XPO6: variants seen among roughly 807,000 people sequenced by gnomAD.
The protein encoded by XPO6 is exportin 6, also known as exportin-6.
A neutral mutation model predicts 130.0 loss-of-function variants in XPO6; 3 were observed. The observed-to-expected ratio is 0.02, with a 90% confidence interval of 0.01 to 0.06. XPO6 has a LOEUF of 0.06. Among genes scored for constraint, XPO6 ranks in the 10% least tolerant of loss-of-function variants. XPO6 has a pLI of 1.00. For missense variants in XPO6, 970 were observed against 1,393.0 expected (o/e 0.70, Z 4.83); for synonymous variants, 524 against 548.9 (o/e 0.95, Z 0.63).
intron 4 of XPO6, among the ~76,000 whole-genome samples, chr16:28,174,098 C>G (rs745840879): frequency 6.6e-6 from 1 of 152,158 alleles, no homozygotes; most frequent in Non-Finnish European, 1.5e-5. Flanking sequence ...GTTACCATAA[C>G]CGTCCTCAAC....
At chr16:28,126,954 CTG>C (rs2087432648) in intron 12 of XPO6, among the ~76,000 whole-genome samples, 1 of 152,116 alleles carries the variant, frequency 6.6e-6, no homozygotes, top group East Asian at 1.9e-4. Flanking sequence ...GAGACTCACA[CTG>C]GTCATCACCA....
chr16:28,193,735 C>A (rs1338342472), intron 1 of XPO6, among the ~76,000 whole-genome samples: 3 of 152,128 alleles, frequency 2.0e-5, no homozygotes, highest in Non-Finnish European at 2.9e-5. Context: ...GATGATAACT[C>A]TACATGGGGT....
chr16:28,198,385 G>T (rs1161133339), intron 1 of XPO6, among the ~76,000 whole-genome samples: 1 of 151,822 alleles, frequency 6.6e-6, no homozygotes, highest in Non-Finnish European at 1.5e-5. Flanking sequence ...TTACAATCAG[G>T]ATAATAACAA....
intron 11 of XPO6, among the ~76,000 whole-genome samples, chr16:28,133,639 A>T (rs977437524): frequency 3.9e-5 from 6 of 152,170 alleles, no homozygotes; most frequent in Non-Finnish European, 7.3e-5. Flanking sequence ...AAGACTAAAC[A>T]AGGTTCCAAA....
At chr16:28,108,642 C>T (rs1204692981) in intron 17 of XPO6, among the ~76,000 whole-genome samples, 1 of 152,224 alleles carries the variant, frequency 6.6e-6, no homozygotes, top group Non-Finnish European at 1.5e-5. Flanking sequence ...TCAGCCTGAG[C>T]CTAGCAGACT....
At chr16:28,187,135 A>G (rs886876601) in intron 1 of XPO6, among the ~76,000 whole-genome samples, 1 of 152,180 alleles carries the variant, frequency 6.6e-6, no homozygotes, top group Non-Finnish European at 1.5e-5. Context: ...GAAGTTTACT[A>G]GGAGGATAAG....
In XPO6 at chr16:28,146,056, A is replaced by C. The variant is rs376769714; in HGVS notation, c.1334+38T>G. 9.9e-6 allele frequency: 15 copies of C among 1,519,800 alleles called. No individual in the cohort carries two copies. In the African/African-American group the frequency reaches 1.5e-4, roughly 15 times the overall value. 94.1% of individuals were successfully genotyped at this position (1,519,800 alleles called of 1,614,324 possible). On this transcript the variant is annotated intron_variant, in intron 9 of 23. Coordinates refer to ENST00000304658, the MANE Select transcript of XPO6 (RefSeq NM_015171.4). Reference sequence around the variant, plus strand: ...CTTAGGCCACTAGAATAACTGGCAAAATGACCATATCTAGTTTTCAGTGTT... The same window carrying C: ...CTTAGGCCACTAGAATAACTGGCAACATGACCATATCTAGTTTTCAGTGTT...
intron 12 of XPO6, among the ~76,000 whole-genome samples, chr16:28,129,311 G>A (rs1197119192): frequency 2.0e-5 from 3 of 152,140 alleles, no homozygotes; most frequent in African/African-American, 7.2e-5. Flanking sequence ...CAAAAGTCAC[G>A]CAGGGCATCA....
intron 6 of XPO6, among the ~76,000 whole-genome samples, chr16:28,159,886 T>A (rs1264161471): frequency 1.3e-5 from 2 of 152,198 alleles, no homozygotes; most frequent in Non-Finnish European, 2.9e-5. Context: ...CAATTTTTGT[T>A]ACGTTTAGGT....
chr16:28,099,701 C>A (rs2086614734), intron 23 of XPO6, among the ~76,000 whole-genome samples: 1 of 152,228 alleles, frequency 6.6e-6, no homozygotes, highest in Admixed American at 6.5e-5. Flanking sequence ...ATGCTTGGCA[C>A]TATGTGGTCC....
intron 1 of XPO6, among the ~76,000 whole-genome samples, chr16:28,194,004 T>C (rs1268536357): frequency 1.3e-5 from 2 of 152,064 alleles, no homozygotes; most frequent in South Asian, 2.1e-4. Flanking sequence ...TCAGGGCAGG[T>C]CGCATCTAAT....
At chr16:28,120,743 C>G (rs1567602723) in intron 14 of XPO6, among the ~76,000 whole-genome samples, 1 of 152,200 alleles carries the variant, frequency 6.6e-6, no homozygotes, top group South Asian at 2.1e-4. Flanking sequence ...CTCTTTCCAT[C>G]GTTTATCTAA....
In XPO6 at chr16:28,185,279, G is replaced by A. The variant is rs568711052; in HGVS notation, c.4-4248C>T. On this transcript the variant is annotated intron_variant, in intron 1 of 23. Coordinates refer to ENST00000304658, the MANE Select transcript of XPO6 (RefSeq NM_015171.4). Reference sequence around the variant, plus strand: ...GGGGGCTGAGGCAAGAGGATCACTCGAGCCCAGGAGTTCAAGGCTGCAGTG... The same window carrying A: ...GGGGGCTGAGGCAAGAGGATCACTCAAGCCCAGGAGTTCAAGGCTGCAGTG... 1.7e-3 allele frequency among the ~76,000 whole-genome samples: 262 copies of A among 152,184 alleles called. 10 individuals carry two copies. The South Asian group carries it at 0.052, about 30-fold the overall frequency.
chr16:28,138,689 C>T (rs575778110), intron 9 of XPO6, among the ~76,000 whole-genome samples: 7 of 152,132 alleles, frequency 4.6e-5, no homozygotes, highest in South Asian at 2.1e-4. Flanking sequence ...GGGCGGTCAA[C>T]GAGAGCCTAA....
intron 14 of XPO6, among the ~76,000 whole-genome samples, chr16:28,117,863 T>A (rs981811466): frequency 6.6e-6 from 1 of 152,232 alleles, no homozygotes; most frequent in Admixed American, 6.5e-5. Context: ...GACAGCTTTA[T>A]AAACAGAGCT....
chr16:28,171,980 G>C (rs2043456595), intron 4 of XPO6, among the ~76,000 whole-genome samples: 1 of 152,000 alleles, frequency 6.6e-6, no homozygotes, highest in Non-Finnish European at 1.5e-5. Flanking sequence ...AGCTGGAAAT[G>C]ACTCGTAATG....
At chr16:28,112,424 C>T (rs1187387422) in intron 16 of XPO6, among the ~76,000 whole-genome samples, 1 of 152,182 alleles carries the variant, frequency 6.6e-6, no homozygotes, top group Non-Finnish European at 1.5e-5. Context: ...CAATCACATC[C>T]TGGTGCCCTC....
At position 28,106,729 on chromosome 16, in the gene XPO6, A is replaced by T. The variant is rs971189795; in HGVS notation, c.2498-232T>A. On this transcript the variant is annotated intron_variant, in intron 18 of 23. Transcript: ENST00000304658. This position sits in a 1 kb window ranked among gnomAD's most constrained non-coding sequence, Gnocchi z 4.2. ...CCTCCACCTGGTGGCTCACTACAGGAAATGAAGGTCATCTCGAACCCTCCC... is the reference window on the plus strand; with the variant it reads ...CCTCCACCTGGTGGCTCACTACAGGTAATGAAGGTCATCTCGAACCCTCCC... 1.3e-5 allele frequency among the ~76,000 whole-genome samples: 2 copies of T among 152,204 alleles called. No homozygotes were observed. The highest frequency in any genetic ancestry group is 2.9e-5 in the Non-Finnish European group (2 of 68,028).
At chr16:28,133,063 G>T (rs1381453341) in intron 11 of XPO6, among the ~76,000 whole-genome samples, 1 of 152,214 alleles carries the variant, frequency 6.6e-6, no homozygotes, top group East Asian at 1.9e-4. Context: ...ATGGCCAGGG[G>T]CGGTGGCTCA....
Sources: gnomAD v4.1 joint callset for allele counts (sites outside exome capture counted in the v4.1 genomes callset) on GRCh38, gnomAD v4.1.1 for gene constraint, Gnocchi (gnomAD v3.1) non-coding constraint, MANE v1.5 for transcripts, NCBI Gene and HGNC (gene_info 2026-07-23, HGNC 2026-07-21) for gene names.